The following TGFB1 variants were observed in gnomAD, a reference collection of about 807,000 sequenced individuals.
TGFB1 encodes transforming growth factor beta-1 proprotein.
In TGFB1, 19 loss-of-function variants were observed where a neutral mutation model predicts 43.8. The observed-to-expected ratio is 0.43, with a 90% confidence interval of 0.30 to 0.64. The LOEUF (loss-of-function observed/expected upper bound fraction) is 0.64. TGFB1 is among the 30% of genes least tolerant of loss of function. The pLI is 0.11. For missense variants in TGFB1, 445 were observed against 529.8 expected, an observed-to-expected ratio of 0.84 and a Z score of 1.57; for synonymous variants, 221 against 236.3, an observed-to-expected ratio of 0.94 and a Z score of 0.60.
chr19:41,348,289 C>A lies in TGFB1; in HGVS notation c.516+6G>T, dbSNP rs200301188. ...CCCTGACCTTCCTTCTGGCTCATGT[C>A]CTCACCTGGTACAGCTCCACGTGCT... On this transcript the variant is annotated splice_donor_region_variant and intron_variant, in intron 2 of 6. Transcript: ENST00000221930. 79 of 1,612,286 alleles carry A rather than the reference C, an allele frequency of 4.9e-5. 1 individual carries two copies. The highest frequency in any genetic ancestry group is 6.4e-5 in the Non-Finnish European group (75 of 1,179,618).
At chr19:41,341,391 C>T (rs960003757) in intron 5 of TGFB1, among the ~76,000 whole-genome samples, 14 of 130,806 alleles carry the variant, frequency 1.1e-4, no homozygotes, top group African/African-American at 2.0e-4. Context: ...CGTGTGAACC[C>T]GGGAGGTGGA....
intron 5 of TGFB1, among the ~76,000 whole-genome samples, chr19:41,341,466 CAAAAA>C (rs770264069): frequency 1.3e-3 from 45 of 35,572 alleles, no homozygotes; most frequent in Admixed American, 3.1e-3. Flanking sequence ...GACTCTGTCT[CAAAAA>C]AAAAAAAAAA....
At position 41,332,113 on chromosome 19, in the gene TGFB1, G is replaced by A. The variant is rs184356886; in HGVS notation, c.1014+15C>T. ...CCCCCCAAGCGCATCTCGTAGCCCG[G>A]TGGGCCAGACGTACCTTGCTGTACT... On this transcript the variant is annotated intron_variant, in intron 6 of 6. Transcript: ENST00000221930. The A allele has an allele frequency of 1.4e-4, 222 of 1,606,364 alleles. 1 individual carries two copies. The highest frequency in any genetic ancestry group is 3.1e-5 in the Non-Finnish European group (36 of 1,173,596).
chr19:41,341,844 C>G (rs201842373), intron 5 of TGFB1, 39 bp downstream of exon 5: 5 of 1,611,964 alleles, frequency 3.1e-6, no homozygotes, highest in Non-Finnish European at 8.5e-7. Context: ...CAGTCATGCC[C>G]CCAGCCTGGA....
intron 5 of TGFB1, among the ~76,000 whole-genome samples, chr19:41,339,202 A>G (rs950791409): frequency 4.0e-5 from 6 of 149,936 alleles, no homozygotes; most frequent in Admixed American, 1.3e-4. Context: ...GACTGCAGCC[A>G]CAACCTCCTA....
At chr19:41,341,690 G>A (rs1405102642) in intron 5 of TGFB1, among the ~76,000 whole-genome samples, 193 bp downstream of exon 5, 3 of 151,932 alleles carry the variant, frequency 2.0e-5, no homozygotes, top group African/African-American at 7.3e-5. Context: ...GATTACAGGC[G>A]TGAGCCACCG....
At position 41,352,744 on chromosome 19, in the gene TGFB1, C is replaced by T. The variant is rs1230574835; in HGVS notation, c.301G>A (p.Ala101Thr). ...ESAEPEPEPE[A>T]DYYAKEVTRV... is the part of the protein sequence containing the mutation. ...GTGACCTCCTTGGCGTAGTAGTCGGCCTCAGGCTCGGGCTCCGGTTCTGCA... is the reference window on the plus strand; with the variant it reads ...GTGACCTCCTTGGCGTAGTAGTCGGTCTCAGGCTCGGGCTCCGGTTCTGCA... Residue 101 changes from alanine (A) to threonine (T), a missense_variant, in exon 1 of 7, where the codon GCC becomes ACC. This residue lies in a region of TGFB1 where 366 missense variants were observed against 428.8 expected (regional missense o/e 0.85). Coordinates refer to ENST00000221930, the MANE Select transcript of TGFB1 (RefSeq NM_000660.7). 1.9e-6 allele frequency: 3 copies of T among 1,613,384 alleles called. No individual in the cohort carries two copies. Among genetic ancestry groups the T allele is most frequent in the African/African-American group, 1.3e-5 (1 of 74,930 alleles).
At chr19:41,349,291 A>C (rs770484114) in intron 1 of TGFB1, among the ~76,000 whole-genome samples, 1 of 152,112 alleles carries the variant, frequency 6.6e-6, no homozygotes, top group Non-Finnish European at 1.5e-5. Flanking sequence ...AGACTCTCCT[A>C]ATTTAAGCGC....
chr19:41,341,303 A>C (rs543298621), intron 5 of TGFB1, among the ~76,000 whole-genome samples: 2 of 150,574 alleles, frequency 1.3e-5, no homozygotes, highest in Admixed American at 1.3e-4. Context: ...CATCTCTACT[A>C]AAAATACAAA....
chr19:41,347,288 T>C (rs1262065830), intron 2 of TGFB1, among the ~76,000 whole-genome samples: 1 of 152,134 alleles, frequency 6.6e-6, no homozygotes, highest in African/African-American at 2.4e-5. Context: ...TTCCCAAAGT[T>C]CTGGGATTAG....
intron 5 of TGFB1, among the ~76,000 whole-genome samples, chr19:41,341,541 G>A (rs1037748243): frequency 2.3e-5 from 3 of 132,172 alleles, no homozygotes; most frequent in South Asian, 2.6e-4. Context: ...TTTGTTTTTT[G>A]TGGCTGGGAT....
intron 1 of TGFB1, among the ~76,000 whole-genome samples, chr19:41,350,343 C>T (rs2038172019): frequency 7.4e-6 from 1 of 135,190 alleles, no homozygotes. Flanking sequence ...GAGTTTCTGT[C>T]GCCCAGGCTG....
chr19:41,339,472 C>T (rs566640698), intron 5 of TGFB1, among the ~76,000 whole-genome samples: 21 of 151,922 alleles, frequency 1.4e-4, no homozygotes, highest in Middle Eastern at 6.8e-3. Context: ...TCCCTCCCTA[C>T]GGAGGCTGAC....
Position 41,332,250 on chromosome 19 carries a change from G to A in TGFB1, c.892C>T (p.Leu298=), listed in dbSNP as rs139977837. The change falls in exon 6 of 7, where the codon CTG becomes TTG. Residue 298 remains leucine (L), a synonymous_variant. Coordinates refer to ENST00000221930, the MANE Select transcript of TGFB1 (RefSeq NM_000660.7). ...STEKNCCVRQ[L]YIDFRKDLGW... ...AGGTCCTTGCGGAAGTCAATGTACAGCTGCCGCACGCAGCAGTTCTTCTCC... is the reference window on the plus strand; with the variant it reads ...AGGTCCTTGCGGAAGTCAATGTACAACTGCCGCACGCAGCAGTTCTTCTCC... 1.1e-5 allele frequency: 18 copies of A among 1,614,022 alleles called. No homozygotes were observed. The South Asian group carries it at 1.2e-4, about 11-fold the overall frequency.
chr19:41,345,380 G>A (rs903183807), intron 2 of TGFB1, among the ~76,000 whole-genome samples: 2 of 150,078 alleles, frequency 1.3e-5, no homozygotes, highest in Admixed American at 6.7e-5. Context: ...GCCTGTAGTC[G>A]CCACTATTTG....
chr19:41,339,400 T>C (rs1039677346), intron 5 of TGFB1, among the ~76,000 whole-genome samples: 1 of 150,556 alleles, frequency 6.6e-6, no homozygotes, highest in Non-Finnish European at 1.5e-5. Context: ...ATTACAGGCA[T>C]GAGCCACCGC....
rs1356986799 is a variant in TGFB1, at chr19:41,331,110, C to T, written c.1115G>A (p.Arg372His). ...EPLPIVYYVG[R>H]KPKVEQLSNM... ...GGACAGCTGCTCCACCTTGGGCTTG[C>T]GGCCCACGTAGTACACGATGGGCAG... The change falls in exon 7 of 7, where the codon CGC becomes CAC. Residue 372 changes from arginine to histidine, a missense_variant. Transcript: ENST00000221930. The T allele has an allele frequency of 1.3e-6, 2 of 1,588,516 alleles. No homozygotes were observed. Among genetic ancestry groups the T allele is most frequent in the Non-Finnish European group, 8.5e-7 (1 of 1,169,638 alleles).
intron 1 of TGFB1, among the ~76,000 whole-genome samples, chr19:41,352,038 T>A (rs2038206010): frequency 6.6e-6 from 1 of 151,822 alleles, no homozygotes; most frequent in Non-Finnish European, 1.5e-5. Context: ...GCTTGCCTCC[T>A]CCTTCCAATA....
intron 5 of TGFB1, among the ~76,000 whole-genome samples, chr19:41,338,096 G>A (rs868683486): frequency 1.3e-5 from 2 of 152,012 alleles, no homozygotes; most frequent in South Asian, 2.1e-4. Context: ...GGAGACTGAG[G>A]CAGGAGAATT....
Sources: allele counts gnomAD v4.1 joint callset (sites outside exome capture counted in the v4.1 genomes callset), GRCh38; gene constraint gnomAD v4.1.1; regional missense constraint gnomAD v4.1.1; transcripts MANE v1.5; gene names NCBI Gene and HGNC (gene_info 2026-07-23, HGNC 2026-07-21).